The following ADGRB3 variants were observed in gnomAD, a reference collection of about 807,000 sequenced individuals.
The protein encoded by ADGRB3 is adhesion G protein-coupled receptor B3.
A neutral mutation model predicts 193.4 loss-of-function variants in ADGRB3; 37 were observed. That is an observed-to-expected ratio of 0.19 (90% CI 0.15 to 0.25). ADGRB3 has a LOEUF of 0.25. Among genes scored for constraint, ADGRB3 ranks in the 10% least tolerant of loss-of-function variants. The probability of loss-of-function intolerance (pLI) is 1.00; values close to 1 mark genes in which losing one functional copy is unlikely to be tolerated. For missense variants in ADGRB3, 1,637 were observed against 1,852.9 expected, an observed-to-expected ratio of 0.88 and a Z score of 2.14; for synonymous variants, 690 against 644.2, an observed-to-expected ratio of 1.07 and a Z score of -1.08.
intron 8 of ADGRB3, among the ~76,000 whole-genome samples, chr6:68,957,484 T>C (rs1335702136): frequency 1.3e-5 from 2 of 152,122 alleles, no homozygotes; most frequent in Non-Finnish European, 2.9e-5. Flanking sequence ...AAGAAAAATA[T>C]TATAAGTATA....
intron 13 of ADGRB3, among the ~76,000 whole-genome samples, chr6:69,022,928 T>C (rs1231085698): frequency 6.6e-6 from 1 of 152,080 alleles, no homozygotes; most frequent in African/African-American, 2.4e-5. Flanking sequence ...TTTATAGTTT[T>C]GGTTATATTT....
At chr6:69,353,811 C>G (rs1248618998) in intron 26 of ADGRB3, among the ~76,000 whole-genome samples, 1 of 152,160 alleles carries the variant, frequency 6.6e-6, no homozygotes, top group African/African-American at 2.4e-5. Context: ...TGCCTGTAAT[C>G]CCAGCACTTT....
intron 8 of ADGRB3, among the ~76,000 whole-genome samples, chr6:68,970,057 A>C (rs1467554247): frequency 6.6e-6 from 1 of 152,102 alleles, no homozygotes; most frequent in East Asian, 1.9e-4. Flanking sequence ...GCCTTTGCAC[A>C]AATTGTTTCC....
intron 8 of ADGRB3, among the ~76,000 whole-genome samples, chr6:68,961,426 A>G (rs377752908): frequency 3.3e-5 from 5 of 152,078 alleles, no homozygotes; most frequent in East Asian, 3.9e-4. Context: ...GGTATTAGCT[A>G]ATTAGCTAAT....
intron 3 of ADGRB3, among the ~76,000 whole-genome samples, chr6:68,832,442 C>T (rs1334736452): frequency 6.6e-6 from 1 of 152,088 alleles, no homozygotes; most frequent in African/African-American, 2.4e-5. Context: ...AGGGTTCATG[C>T]TCATTTCTGA....
At chr6:68,767,571 C>T (rs535180025) in intron 3 of ADGRB3, among the ~76,000 whole-genome samples, 3 of 152,208 alleles carry the variant, frequency 2.0e-5, no homozygotes, top group Admixed American at 6.5e-5. Flanking sequence ...ATGACACACC[C>T]GTAGCCAATA....
In ADGRB3 at chr6:69,048,350, A is replaced by C. The variant is rs752852177; in HGVS notation, c.2257+16A>C. The C allele has an allele frequency of 1.1e-5, 17 of 1,608,546 alleles. No homozygotes were observed. In the Admixed American group the frequency reaches 2.2e-4, roughly 21 times the overall value. Reference sequence around the variant, plus strand: ...TCATCAAAAGGTAAATATCTGAAATAATATGAGCTTGAACAAGACATTTTT... The same window carrying C: ...TCATCAAAAGGTAAATATCTGAAATCATATGAGCTTGAACAAGACATTTTT... On this transcript the variant is annotated intron_variant, in intron 14 of 31. Coordinates refer to ENST00000370598, the MANE Select transcript of ADGRB3 (RefSeq NM_001704.3).
At chr6:68,892,110 T>C (rs1253260044) in intron 3 of ADGRB3, among the ~76,000 whole-genome samples, 1 of 152,202 alleles carries the variant, frequency 6.6e-6, no homozygotes, top group East Asian at 1.9e-4. Context: ...GGCTACAGAA[T>C]TGATAAATGC....
At chr6:68,996,537 G>T (rs1230282770) in intron 11 of ADGRB3, among the ~76,000 whole-genome samples, 2 of 152,082 alleles carry the variant, frequency 1.3e-5, no homozygotes, top group Non-Finnish European at 2.9e-5. Context: ...CTCATGTGTG[G>T]ATTACTCTTT....
intron 3 of ADGRB3, among the ~76,000 whole-genome samples, chr6:68,670,190 T>C (rs1768910337): frequency 6.6e-6 from 1 of 152,034 alleles, no homozygotes; most frequent in Admixed American, 6.6e-5. Flanking sequence ...AGATGGGTAG[T>C]TTGTAAATAT....
At chr6:68,799,482 A>G (rs1767272917) in intron 3 of ADGRB3, among the ~76,000 whole-genome samples, 1 of 152,210 alleles carries the variant, frequency 6.6e-6, no homozygotes, top group Non-Finnish European at 1.5e-5. Context: ...TGTATACAAA[A>G]CATAAAACAA....
intron 3 of ADGRB3, among the ~76,000 whole-genome samples, chr6:68,807,228 CT>C (rs1418367807): frequency 1.1e-5 from 1 of 94,670 alleles, no homozygotes; most frequent in Non-Finnish European, 2.1e-5. Context: ...TTTCTTTTTT[CT>C]TTTTTCTTTT....
intron 3 of ADGRB3, among the ~76,000 whole-genome samples, chr6:68,655,624 A>C (rs1768473302): frequency 6.6e-6 from 1 of 151,730 alleles, no homozygotes; most frequent in African/African-American, 2.4e-5. Flanking sequence ...TTTCCTCTGA[A>C]TACTCATGCA....
intron 3 of ADGRB3, among the ~76,000 whole-genome samples, chr6:68,706,711 G>A (rs912171020): frequency 5.9e-5 from 9 of 152,204 alleles, no homozygotes; most frequent in African/African-American, 2.2e-4. Context: ...GGGACTTAAT[G>A]AGAACTAATT....
At chr6:68,840,328 A>T (rs1768127024) in intron 3 of ADGRB3, among the ~76,000 whole-genome samples, 1 of 142,184 alleles carries the variant, frequency 7.0e-6, no homozygotes, top group Non-Finnish European at 1.5e-5. Context: ...TAGATACTAC[A>T]TCAGGCCACA....
intron 17 of ADGRB3, among the ~76,000 whole-genome samples, chr6:69,215,869 T>C (rs1354301268): frequency 6.6e-6 from 1 of 152,182 alleles, no homozygotes; most frequent in Non-Finnish European, 1.5e-5. Flanking sequence ...TCTTAGGCCC[T>C]AATAATCCTC....
At chr6:68,777,668 TA>T (rs561834409) in intron 3 of ADGRB3, among the ~76,000 whole-genome samples, 6,974 of 78,076 alleles carry the variant, frequency 0.089, 191 homozygotes, top group South Asian at 0.12. Flanking sequence ...CTCTGGGATC[TA>T]AAAAAAAAAA....
intron 3 of ADGRB3, among the ~76,000 whole-genome samples, chr6:68,834,789 G>A (rs562186018): frequency 6.8e-4 from 104 of 152,224 alleles, no homozygotes; most frequent in African/African-American, 9.9e-4. Context: ...AAGAAAGTAC[G>A]AGGATCATGA....
chr6:69,161,879 T>C (rs1774999556), intron 17 of ADGRB3, among the ~76,000 whole-genome samples: 1 of 152,148 alleles, frequency 6.6e-6, no homozygotes, highest in African/African-American at 2.4e-5. Context: ...ACATGGCAGC[T>C]GGCATCCCTC....
Sources: allele counts gnomAD v4.1 joint callset (sites outside exome capture counted in the v4.1 genomes callset), GRCh38; gene constraint gnomAD v4.1.1; transcripts MANE v1.5; gene names NCBI Gene and HGNC (gene_info 2026-07-23, HGNC 2026-07-21).